HDX: variants seen among roughly 807,000 people sequenced by gnomAD.
HDX encodes the protein chromosome X open reading frame 43.
HDX carries 19 observed loss-of-function variants against 45.2 expected under a neutral mutation model. The ratio of observed to expected loss-of-function variants is 0.42; its 90% CI spans 0.29 to 0.62. The LOEUF (loss-of-function observed/expected upper bound fraction) is 0.62. Among genes scored for constraint, HDX ranks in the 20% least tolerant of loss-of-function variants. The pLI, the probability that HDX is intolerant of heterozygous loss-of-function variation, is 0.20. For synonymous variants in HDX, 188 were observed against 172.8 expected, an observed-to-expected ratio of 1.09 and a Z score of -0.69; for missense variants, 532 against 493.9, an observed-to-expected ratio of 1.08 and a Z score of -0.73.
At chrX:84,497,784 A>G (rs998370527) in intron 1 of HDX, among the ~76,000 whole-genome samples, 1 of 110,523 alleles carries the variant, frequency 9.0e-6, no homozygotes, top group Non-Finnish European at 1.9e-5. Context: ...CAATGAAGAT[A>G]GGCCTCACTG....
chrX:84,335,014 T>C (rs1217488695), intron 8 of HDX, among the ~76,000 whole-genome samples: 1 of 111,273 alleles, frequency 9.0e-6, no homozygotes, highest in East Asian at 2.8e-4. Context: ...TGATTATATT[T>C]AATATATTGC....
At chrX:84,419,762 T>G (rs1397042349) in intron 5 of HDX, among the ~76,000 whole-genome samples, 1 of 112,167 alleles carries the variant, frequency 8.9e-6, no homozygotes, top group Non-Finnish European at 1.9e-5. Context: ...ATACTGGTGG[T>G]GGCCACAGGG....
chrX:84,439,602 C>T (rs1012401452), intron 5 of HDX, among the ~76,000 whole-genome samples: 1 of 111,270 alleles, frequency 9.0e-6, no homozygotes, highest in Non-Finnish European at 1.9e-5. Context: ...GTTCAAGTAT[C>T]ATTCTTCTGC....
chrX:84,369,438 T>A (rs1340152169), intron 5 of HDX, among the ~76,000 whole-genome samples: 1 of 112,154 alleles, frequency 8.9e-6, no homozygotes, highest in Non-Finnish European at 1.9e-5. Context: ...TACCCAGAAG[T>A]GGAATTGTTG....
chrX:84,370,387 T>C (rs2037864518), intron 5 of HDX, among the ~76,000 whole-genome samples: 1 of 112,005 alleles, frequency 8.9e-6, no homozygotes, highest in African/African-American at 3.2e-5. Context: ...TTTATCTCCA[T>C]CCAATCTATG....
At chrX:84,390,307 A>G (rs1482337170) in intron 5 of HDX, among the ~76,000 whole-genome samples, 1 of 111,999 alleles carries the variant, frequency 8.9e-6, no homozygotes, top group Non-Finnish European at 1.9e-5. Flanking sequence ...TCTGTTATTA[A>G]TAGGTGTAAT....
chrX:84,359,556 T>G, intron 6 of HDX, among the ~76,000 whole-genome samples: 1 of 112,048 alleles, frequency 8.9e-6, no homozygotes, highest in Non-Finnish European at 1.9e-5. Context: ...TATTCCATGT[T>G]GTATATGTAT....
chrX:84,346,002 C>T (rs1240235083), intron 6 of HDX, among the ~76,000 whole-genome samples: 1 of 110,996 alleles, frequency 9.0e-6, no homozygotes, highest in East Asian at 2.8e-4. Flanking sequence ...TTTATATATT[C>T]TAAATATGAA....
intron 5 of HDX, among the ~76,000 whole-genome samples, chrX:84,414,654 G>A (rs1308409463): frequency 9.0e-6 from 1 of 111,501 alleles, no homozygotes; most frequent in East Asian, 2.8e-4. Flanking sequence ...CTTTCCTGAT[G>A]ATAATACAAT....
At position 84,477,515 on chromosome X, in the gene HDX, A is replaced by G. The variant is rs1016616757; in HGVS notation, c.1-2118T>C. On this transcript the variant is annotated intron_variant, in intron 2 of 10. Transcript: ENST00000373177. ...AACTCTGACAATAGACAATGCAGGG[A>G]CCTTTTAGTTTTCCCTTTAAATTCA... 2.1e-4 allele frequency among the ~76,000 whole-genome samples: 24 copies of G among 111,739 alleles called. No homozygotes were observed. In the Admixed American group the frequency reaches 2.3e-3, roughly 11 times the overall value.
intron 5 of HDX, among the ~76,000 whole-genome samples, chrX:84,363,982 T>G (rs2037681085): frequency 8.9e-6 from 1 of 111,735 alleles, no homozygotes; most frequent in East Asian, 2.8e-4. Context: ...CAGATAACTG[T>G]ACTTAACAAG....
intron 4 of HDX, among the ~76,000 whole-genome samples, chrX:84,441,380 TTTC>T (rs1329419260): frequency 1.8e-5 from 2 of 111,859 alleles, no homozygotes; most frequent in Admixed American, 9.5e-5. Context: ...CTACATGTGT[TTTC>T]TTAATACAAA....
intron 6 of HDX, among the ~76,000 whole-genome samples, chrX:84,360,060 C>T (rs773919138): frequency 1.3e-4 from 15 of 111,281 alleles, no homozygotes; most frequent in South Asian, 3.7e-4. Context: ...ACACAGTCTA[C>T]GAGGAACTTA....
At chrX:84,379,040 A>C (rs1466327901) in intron 5 of HDX, among the ~76,000 whole-genome samples, 2 of 110,903 alleles carry the variant, frequency 1.8e-5, no homozygotes, top group Non-Finnish European at 3.8e-5. Context: ...ATTTCAAGAA[A>C]AAACTGTAAG....
chrX:84,353,967 A>G (rs1005775425), intron 6 of HDX, among the ~76,000 whole-genome samples: 9 of 109,867 alleles, frequency 8.2e-5, no homozygotes, highest in South Asian at 3.8e-4. Context: ...TTCACCCTGA[A>G]CTCTCCCTTC....
intron 2 of HDX, among the ~76,000 whole-genome samples, chrX:84,477,480 T>A (rs936672123): frequency 8.9e-6 from 1 of 112,187 alleles, no homozygotes; most frequent in Non-Finnish European, 1.9e-5. Context: ...AACAGATTTC[T>A]GGATACTGCA....
At chrX:84,352,131 T>TA (rs1471493662) in intron 6 of HDX, among the ~76,000 whole-genome samples, 54 of 112,277 alleles carry the variant, frequency 4.8e-4, no homozygotes, top group Admixed American at 1.6e-3. Flanking sequence ...TTTGTGTAAA[T>TA]AAAAAACATG....
chrX:84,366,157 G>A (rs758507599), intron 5 of HDX, among the ~76,000 whole-genome samples: 3 of 111,755 alleles, frequency 2.7e-5, no homozygotes, highest in Admixed American at 1.9e-4. Context: ...AAATCAATGT[G>A]CAAAAATCTC....
chrX:84,350,324 A>G (rs1171741469), intron 6 of HDX, among the ~76,000 whole-genome samples: 1 of 111,129 alleles, frequency 9.0e-6, no homozygotes, highest in East Asian at 2.8e-4. Context: ...TGTGCATTCT[A>G]CTAGTCAATT....
Sources: gnomAD v4.1 joint callset for allele counts (sites outside exome capture counted in the v4.1 genomes callset) on GRCh38, gnomAD v4.1.1 for gene constraint, MANE v1.5 for transcripts, NCBI Gene and HGNC (gene_info 2026-07-23, HGNC 2026-07-21) for gene names.